Variants in AGBL4 observed in about 807,000 individuals in gnomAD.
AGBL4 encodes AGBL carboxypeptidase 4.
Under a neutral mutation model 66.4 loss-of-function variants are expected in AGBL4, and 58 were observed. The ratio of observed to expected loss-of-function variants is 0.87; its 90% confidence interval spans 0.71 to 1.09. AGBL4 has a LOEUF of 1.09. Ranked by LOEUF, AGBL4 falls within the 50% of genes least tolerant of loss-of-function variation. AGBL4 has a pLI of 0.00. For synonymous variants in AGBL4, 234 were observed against 222.9 expected (o/e 1.05, Z -0.44); for missense variants, 579 against 631.0 (o/e 0.92, Z 0.88).
chr1:49,260,849 C>G (rs1053881118), intron 3 of AGBL4, among the ~76,000 whole-genome samples: 1 of 151,586 alleles, frequency 6.6e-6, no homozygotes, highest in African/African-American at 2.4e-5. Flanking sequence ...GGCAGAGACA[C>G]AACCAAAAAA....
At chr1:48,878,281 C>G (rs1206561419) in intron 5 of AGBL4, among the ~76,000 whole-genome samples, 1 of 152,148 alleles carries the variant, frequency 6.6e-6, no homozygotes, top group African/African-American at 2.4e-5. Context: ...CCACATAGAA[C>G]TGTGGTATAG....
chr1:49,942,747 G>T (rs902007691), intron 1 of AGBL4, among the ~76,000 whole-genome samples: 1 of 152,048 alleles, frequency 6.6e-6, no homozygotes, highest in African/African-American at 2.4e-5. Flanking sequence ...TAGAGGGAAA[G>T]CTTCTTGACC....
intron 5 of AGBL4, among the ~76,000 whole-genome samples, chr1:48,980,018 T>C (rs1481728889): frequency 1.3e-5 from 2 of 152,196 alleles, no homozygotes; most frequent in Non-Finnish European, 2.9e-5. Flanking sequence ...TATAGTATTA[T>C]AGATGCTTAC....
At chr1:48,873,930 T>C (rs12747763) in intron 5 of AGBL4, among the ~76,000 whole-genome samples, 18,982 of 152,096 alleles carry the variant, frequency 0.12, 1,281 homozygotes, top group East Asian at 0.28. Flanking sequence ...CGTGTTGTTC[T>C]GGGAGCTCAG....
intron 6 of AGBL4, among the ~76,000 whole-genome samples, chr1:48,826,756 G>C (rs528359983): frequency 6.6e-6 from 1 of 152,212 alleles, no homozygotes; most frequent in South Asian, 2.1e-4. Context: ...TTGCCTATTT[G>C]AGCCCAACCT....
In AGBL4 at chr1:49,438,690, T is replaced by C. The variant is rs1323213463; in HGVS notation, c.283-192826A>G. Among the ~76,000 whole-genome samples, 4 of 152,266 alleles carry C rather than the reference T, an allele frequency of 2.6e-5. No homozygotes were observed. In the East Asian group the frequency reaches 7.7e-4, roughly 29 times the overall value. On this transcript the variant is annotated intron_variant, in intron 3 of 13. Transcript: ENST00000371839. ...ACAGAAGAGAGATGGAGATTAGCAA[T>C]ATCTGAGTCCTTGAGACTCTCACAC...
At position 49,636,345 on chromosome 1, in the gene AGBL4, T is replaced by A. The variant is rs1036213292; in HGVS notation, c.282+60968A>T. On this transcript the variant is annotated intron_variant, in intron 3 of 13. Transcript: ENST00000371839. ...ATGGTATATTGCTGAGAGAAAGAAG[T>A]AAGCTCTCTTGTGTCTCTTCTTATA... Among the ~76,000 whole-genome samples the A allele has an allele frequency of 2.0e-4, 31 of 152,184 alleles. 1 individual carries two copies. The highest frequency in any genetic ancestry group is 1.2e-4 in the Non-Finnish European group (8 of 68,036).
chr1:49,156,625 T>C (rs774146148), intron 4 of AGBL4, among the ~76,000 whole-genome samples: 31 of 152,136 alleles, frequency 2.0e-4, no homozygotes, highest in Non-Finnish European at 3.1e-4. Context: ...ATAGAACCTC[T>C]TGTGACATGG....
In AGBL4 at chr1:48,736,245, C is replaced by T. The variant is rs549852138; in HGVS notation, c.635-73004G>A. 17 of 1,613,960 alleles carry T rather than the reference C, an allele frequency of 1.1e-5. No individual in the cohort carries two copies. Among genetic ancestry groups the T allele is most frequent in the African/African-American group, 6.7e-5 (5 of 75,048 alleles). The stretch of plus-strand genomic sequence containing the variant: ...TTTCCACTCAGTGACCTACCTCTGA[C>T]GATGCTTAGTTTGTGAGGCGAGAGG... On this transcript the variant is annotated intron_variant, in intron 6 of 13. Transcript: ENST00000371839. This position sits in a 1 kb window ranked among gnomAD's most constrained non-coding sequence, Gnocchi z 4.0.
At chr1:49,831,819 A>C (rs1557491290) in intron 2 of AGBL4, among the ~76,000 whole-genome samples, 1 of 152,066 alleles carries the variant, frequency 6.6e-6, no homozygotes, top group East Asian at 1.9e-4. Flanking sequence ...TTTAGCATTA[A>C]GGGGTGTTGA....
chr1:48,675,747 T>G (rs1646354597), intron 6 of AGBL4, among the ~76,000 whole-genome samples: 1 of 152,134 alleles, frequency 6.6e-6, no homozygotes, highest in Non-Finnish European at 1.5e-5. Context: ...CTGAGTATGG[T>G]CTAATTAATG....
At chr1:48,524,964 C>A in the AGBL4 span, among the ~76,000 whole-genome samples, 1 of 151,470 alleles carries the variant, frequency 6.6e-6, no homozygotes, top group Non-Finnish European at 1.5e-5. Context: ...TTCAGGGTTG[C>A]TTTTATTTGT....
At chr1:48,762,675 T>A (rs2148665691) in intron 6 of AGBL4, among the ~76,000 whole-genome samples, 2 of 151,388 alleles carry the variant, frequency 1.3e-5, no homozygotes, top group South Asian at 4.2e-4. Flanking sequence ...TTTGCATGTG[T>A]TAAACATGCT....
chr1:48,925,530 A>C (rs950493745), intron 5 of AGBL4, among the ~76,000 whole-genome samples: 1 of 152,106 alleles, frequency 6.6e-6, no homozygotes, highest in Non-Finnish European at 1.5e-5. Context: ...TTTTTTTAAA[A>C]GCTCATCAGC....
intron 6 of AGBL4, among the ~76,000 whole-genome samples, chr1:48,716,797 T>C (rs994107437): frequency 6.6e-6 from 1 of 152,212 alleles, no homozygotes; most frequent in Non-Finnish European, 1.5e-5. Context: ...TCTGGGATTC[T>C]GGCCTAGAGC....
intron 4 of AGBL4, among the ~76,000 whole-genome samples, chr1:49,212,494 T>C (rs535300469): frequency 2.6e-5 from 4 of 152,282 alleles, no homozygotes; most frequent in Admixed American, 1.3e-4. Context: ...ATCTAGAATA[T>C]AGATTAGATA....
At chr1:49,408,064 A>G (rs1645241758) in intron 3 of AGBL4, among the ~76,000 whole-genome samples, 1 of 151,864 alleles carries the variant, frequency 6.6e-6, no homozygotes, top group African/African-American at 2.4e-5. Flanking sequence ...CGCTTATCAG[A>G]CTCTGGCTCT....
intron 4 of AGBL4, among the ~76,000 whole-genome samples, chr1:49,211,012 A>G (rs914828427): frequency 6.6e-6 from 1 of 151,994 alleles, no homozygotes; most frequent in African/African-American, 2.4e-5. Context: ...TGAATTTTCC[A>G]CCTTTCACTT....
intron 6 of AGBL4, among the ~76,000 whole-genome samples, chr1:48,677,616 C>T (rs536819722): frequency 6.6e-6 from 1 of 152,226 alleles, no homozygotes; most frequent in East Asian, 1.9e-4. Flanking sequence ...GCCACTGGCC[C>T]CAGTCCACAT....
Sources: allele counts gnomAD v4.1 joint callset (sites outside exome capture counted in the v4.1 genomes callset), GRCh38; gene constraint gnomAD v4.1.1; non-coding constraint Gnocchi (gnomAD v3.1); transcripts MANE v1.5; gene names NCBI Gene and HGNC (gene_info 2026-07-23, HGNC 2026-07-21).